TMED10: variants seen among roughly 807,000 people sequenced by gnomAD.
TMED10 encodes transmembrane emp24 domain-containing protein 10.
In TMED10, 7 loss-of-function variants were observed where a neutral mutation model predicts 23.1. The observed-to-expected ratio is 0.30, with a 90% CI of 0.17 to 0.57. The LOEUF (loss-of-function observed/expected upper bound fraction) is 0.57, where lower values mean the gene tolerates loss of function less well. Ranked by LOEUF, TMED10 falls within the 20% of genes least tolerant of loss-of-function variation. The probability of loss-of-function intolerance (pLI) is 0.91; values close to 1 mark genes in which losing one functional copy is unlikely to be tolerated. For synonymous variants in TMED10, 113 were observed against 106.9 expected (o/e 1.06, Z -0.35); for missense variants, 162 against 274.8 (o/e 0.59, Z 2.90).
At chr14:75,147,100 T>G (rs986850418) in intron 3 of TMED10, among the ~76,000 whole-genome samples, 14 of 152,066 alleles carry the variant, frequency 9.2e-5, no homozygotes, top group Non-Finnish European at 1.8e-4. Context: ...TGCCATATGC[T>G]TCAGTGTTTT....
At chr14:75,141,381 C>T (rs1266794696) in intron 3 of TMED10, among the ~76,000 whole-genome samples, 4 of 152,066 alleles carry the variant, frequency 2.6e-5, no homozygotes, top group Non-Finnish European at 5.9e-5. Flanking sequence ...ACACACATAA[C>T]TGCCACACAC....
intron 1 of TMED10, among the ~76,000 whole-genome samples, chr14:75,163,797 A>AT (rs529269760): frequency 3.7e-4 from 54 of 145,002 alleles, no homozygotes; most frequent in South Asian, 1.1e-3. Context: ...TATTGTGAGG[A>AT]TTTTTTTTTT....
chr14:75,159,632 C>A (rs1053311059), intron 1 of TMED10, among the ~76,000 whole-genome samples: 6 of 152,130 alleles, frequency 3.9e-5, no homozygotes, highest in African/African-American at 1.4e-4. Context: ...AGGAGTCTCT[C>A]TACATCATAA....
chr14:75,144,489 C>T lies in TMED10; in HGVS notation c.411+3175G>A, dbSNP rs138485809. Among the ~76,000 whole-genome samples, 1,083 of 152,322 alleles carry T rather than the reference C, an allele frequency of 7.1e-3. 42 individuals are homozygous for T. Among genetic ancestry groups the T allele is most frequent in the Admixed American group, 0.065 (988 of 15,298 alleles). On this transcript the variant is annotated intron_variant, in intron 3 of 4. Coordinates refer to ENST00000303575, the MANE Select transcript of TMED10 (RefSeq NM_006827.6). ...CATTCTGTCTTCCAAATAATATCATCTTACATTTGTATTGTGTTACATAGC... is the reference window on the plus strand; with the variant it reads ...CATTCTGTCTTCCAAATAATATCATTTTACATTTGTATTGTGTTACATAGC...
chr14:75,169,070 G>C (rs1385922530), intron 1 of TMED10, among the ~76,000 whole-genome samples: 7 of 152,176 alleles, frequency 4.6e-5, no homozygotes, highest in Non-Finnish European at 1.0e-4. Context: ...GAATGGAAGA[G>C]GGAAAGATCA....
intron 1 of TMED10, among the ~76,000 whole-genome samples, chr14:75,164,532 A>G (rs1367957965): frequency 1.8e-5 from 1 of 54,460 alleles, no homozygotes; most frequent in Non-Finnish European, 3.4e-5. Context: ...CACCTGGCCT[A>G]ATATATATAT....
chr14:75,148,035 C>T, intron 2 of TMED10: 1 of 453,314 alleles, frequency 2.2e-6, no homozygotes, highest in Non-Finnish European at 4.1e-6. Flanking sequence ...AGGAACAGAA[C>T]AGAAGGGAAA....
chr14:75,172,316 T>G (rs1896244248), intron 1 of TMED10, among the ~76,000 whole-genome samples: 1 of 151,954 alleles, frequency 6.6e-6, no homozygotes, highest in African/African-American at 2.4e-5. Context: ...TTGTTCTTTT[T>G]TTTTTTTTGG....
At chr14:75,143,347 A>G (rs1293688332) in intron 3 of TMED10, among the ~76,000 whole-genome samples, 1 of 152,184 alleles carries the variant, frequency 6.6e-6, no homozygotes, top group Non-Finnish European at 1.5e-5. Flanking sequence ...CAAATCTTCC[A>G]TTATAATGAA....
chr14:75,151,789 A>G (rs553903769), intron 2 of TMED10, among the ~76,000 whole-genome samples: 13 of 152,338 alleles, frequency 8.5e-5, no homozygotes, highest in Admixed American at 8.5e-4. Context: ...ACATGTATCC[A>G]CTATTACAGT....
At position 75,176,474 on chromosome 14, in the gene TMED10, G is replaced by A; in HGVS notation, c.106C>T (p.Leu36=). The A allele has an allele frequency of 6.2e-7, 1 of 1,614,218 alleles. No homozygotes were observed. Among genetic ancestry groups the A allele is most frequent in the Non-Finnish European group, 8.5e-7 (1 of 1,180,040 alleles). ...PRLVLAISFH[L]PINSRKCLRE... ...AGGCACTTGCGAGAGTTAATGGGCA[G>A]ATGGAAGGAGATGGCAAGGACCAAT... The change falls in exon 1 of 5, where the codon CTG becomes TTG. Residue 36 remains leucine (L), a synonymous_variant. Coordinates refer to ENST00000303575, the MANE Select transcript of TMED10 (RefSeq NM_006827.6).
chr14:75,141,216 T>G (rs532629018), intron 3 of TMED10, among the ~76,000 whole-genome samples: 3 of 152,238 alleles, frequency 2.0e-5, no homozygotes, highest in Non-Finnish European at 4.4e-5. Context: ...TCTCACAAGT[T>G]GGGCAGGACT....
rs562591952 is a variant in TMED10, at chr14:75,173,653, G to C, written c.225+2702C>G. Among the ~76,000 whole-genome samples, 6 of 152,254 alleles carry C rather than the reference G, an allele frequency of 3.9e-5. No homozygotes were observed. The South Asian group carries it at 1.2e-3, about 32-fold the overall frequency. On this transcript the variant is annotated intron_variant, in intron 1 of 4. Transcript: ENST00000303575. ...TAAGCTGGTTAGTAGCAAAAGAACA[G>C]AGCAGACACAGGAGAGCAACTGAGT...
intron 1 of TMED10, among the ~76,000 whole-genome samples, chr14:75,154,742 C>A (rs1052908398): frequency 4.6e-5 from 7 of 152,028 alleles, no homozygotes; most frequent in Admixed American, 3.3e-4. Context: ...CGGCTTACTG[C>A]AACCTCTGCC....
rs1453917345 is a variant in TMED10 at position 75,133,166 on chromosome 14, G to GC, written c.*1718dup. On this transcript the variant is annotated 3_prime_UTR_variant, in exon 5 of 5. Coordinates refer to ENST00000303575, the MANE Select transcript of TMED10 (RefSeq NM_006827.6). ...AGGACAGGAATTAAGTAAGTGACTGGCCATGCAAGGGTTGGAAATTTTACT... is the reference window on the plus strand; with the variant it reads ...AGGACAGGAATTAAGTAAGTGACTGGCCCATGCAAGGGTTGGAAATTTTACT... The GC allele has an allele frequency of 6.6e-6, 1 of 152,108 alleles. No homozygotes were observed. Among genetic ancestry groups the GC allele is most frequent in the African/African-American group, 2.4e-5 (1 of 41,412 alleles). The allele number at this position is 152,108 out of a possible 1,614,324, so 9.4% of individuals were successfully genotyped here. A position where few individuals can be genotyped will look rare whatever the true frequency, so the allele number is the denominator to read the frequency against.
At chr14:75,165,651 C>A (rs964930529) in intron 1 of TMED10, among the ~76,000 whole-genome samples, 1 of 152,178 alleles carries the variant, frequency 6.6e-6, no homozygotes, top group East Asian at 1.9e-4. Flanking sequence ...AAAGCATGTA[C>A]AAAGTCTATC....
chr14:75,160,776 T>C (rs2139851296), intron 1 of TMED10, among the ~76,000 whole-genome samples: 1 of 152,328 alleles, frequency 6.6e-6, no homozygotes, highest in African/African-American at 2.4e-5. Context: ...ATGGGCACGG[T>C]GGCTCATGCC....
chr14:75,148,175 T>C (rs1226390870), intron 2 of TMED10, among the ~76,000 whole-genome samples: 4 of 152,140 alleles, frequency 2.6e-5, no homozygotes, highest in South Asian at 2.1e-4. Flanking sequence ...TCTGAAAAGG[T>C]TGCCCTGTCA....
chr14:75,137,552 G>C (rs1374282083), intron 3 of TMED10, among the ~76,000 whole-genome samples: 3 of 150,054 alleles, frequency 2.0e-5, no homozygotes, highest in Non-Finnish European at 4.4e-5. Context: ...GCGGGCGCCT[G>C]TAGTCCCAGC....
Sources: gnomAD v4.1 joint callset for allele counts (sites outside exome capture counted in the v4.1 genomes callset) on GRCh38, gnomAD v4.1.1 for gene constraint, MANE v1.5 for transcripts, NCBI Gene and HGNC (gene_info 2026-07-23, HGNC 2026-07-21) for gene names.